WDR7: variants seen among roughly 807,000 people sequenced by gnomAD.
WDR7 encodes the protein WD repeat domain 7.
WDR7 carries 46 observed loss-of-function variants against 169.4 expected under a neutral mutation model. The ratio of observed to expected loss-of-function variants is 0.27; its 90% CI spans 0.21 to 0.35. WDR7 has a LOEUF of 0.35. WDR7 is among the 10% of genes least tolerant of loss of function. The probability of loss-of-function intolerance (pLI) is 1.00; values close to 1 mark genes in which losing one functional copy is unlikely to be tolerated. For missense variants in WDR7, 1,534 were observed against 1,859.3 expected (o/e 0.83, Z 3.22); for synonymous variants, 612 against 666.8 (o/e 0.92, Z 1.27).
intron 12 of WDR7, among the ~76,000 whole-genome samples, chr18:56,703,801 T>C (rs2025887989): frequency 6.6e-6 from 1 of 152,044 alleles, no homozygotes; most frequent in South Asian, 2.1e-4. Context: ...AATGTTGCTT[T>C]AAAGTTTTTT....
chr18:56,981,832 A>G (rs980685502), intron 26 of WDR7, among the ~76,000 whole-genome samples: 43 of 152,194 alleles, frequency 2.8e-4, no homozygotes, highest in Non-Finnish European at 1.2e-4. Context: ...CTTGAAAAGT[A>G]AGAGAAGAGA....
At chr18:56,726,029 T>C (rs1366906984) in intron 13 of WDR7, among the ~76,000 whole-genome samples, 3 of 152,182 alleles carry the variant, frequency 2.0e-5, no homozygotes, top group Admixed American at 6.5e-5. Flanking sequence ...TGTTTTGATA[T>C]CAGTACCATG....
At chr18:57,030,488 G>T (rs2048434894), downstream of WDR7, 2 of 152,158 alleles carry the variant, frequency 1.3e-5, no homozygotes. Context: ...GAAAATAGGG[G>T]CAGTAACAGT....
intron 20 of WDR7, among the ~76,000 whole-genome samples, chr18:56,822,934 C>A (rs545584472): frequency 2.0e-5 from 3 of 151,996 alleles, no homozygotes; most frequent in Admixed American, 1.3e-4. Flanking sequence ...TAAAAAAAAT[C>A]TGGGAGAAGA....
chr18:56,942,776 T>C (rs1261193561), intron 25 of WDR7, among the ~76,000 whole-genome samples: 1 of 152,158 alleles, frequency 6.6e-6, no homozygotes, highest in Non-Finnish European at 1.5e-5. Context: ...TGATAGGCAA[T>C]AGAAAGTCAG....
At chr18:56,703,762 C>T (rs1414958174) in intron 12 of WDR7, among the ~76,000 whole-genome samples, 2 of 151,422 alleles carry the variant, frequency 1.3e-5, no homozygotes, top group Non-Finnish European at 2.9e-5. Context: ...AAATGATACT[C>T]TGTAATTCAT....
At chr18:57,022,088 C>A (rs1249684080) in intron 27 of WDR7, among the ~76,000 whole-genome samples, 8 of 152,212 alleles carry the variant, frequency 5.3e-5, no homozygotes, top group Non-Finnish European at 4.4e-5. Context: ...TCAGAGATCT[C>A]ACCCAGCCCT....
At chr18:57,011,700 A>T (rs1032869807) in intron 26 of WDR7, among the ~76,000 whole-genome samples, 1 of 152,196 alleles carries the variant, frequency 6.6e-6, no homozygotes, top group African/African-American at 2.4e-5. Context: ...CAACTCTCAA[A>T]TCTCTGTTCA....
intron 20 of WDR7, among the ~76,000 whole-genome samples, chr18:56,861,831 A>G (rs528045112): frequency 5.3e-5 from 8 of 152,252 alleles, no homozygotes; most frequent in Middle Eastern, 3.4e-3. Context: ...TGAACACTTA[A>G]TTAGGTTAAG....
chr18:56,851,597 A>G (rs895776189), intron 20 of WDR7, among the ~76,000 whole-genome samples: 5 of 152,092 alleles, frequency 3.3e-5, no homozygotes, highest in Non-Finnish European at 7.4e-5. Context: ...CTGCTCAACA[A>G]TTGTTTGTTG....
At chr18:56,695,901 T>A (rs1174263075) in intron 11 of WDR7, among the ~76,000 whole-genome samples, 4 of 152,202 alleles carry the variant, frequency 2.6e-5, no homozygotes, top group Non-Finnish European at 5.9e-5. Context: ...TGACTATATT[T>A]TATATAACCC....
chr18:56,954,913 C>T (rs370346650), intron 25 of WDR7, among the ~76,000 whole-genome samples: 110 of 152,118 alleles, frequency 7.2e-4, no homozygotes, highest in African/African-American at 2.6e-3. Flanking sequence ...TCTTAAACTT[C>T]GTTATTATGT....
chr18:56,943,987 T>G (rs1055433977), intron 25 of WDR7, among the ~76,000 whole-genome samples: 6 of 112,966 alleles, frequency 5.3e-5, no homozygotes, highest in African/African-American at 3.0e-4. Context: ...TGTGGGTTTT[T>G]TTTTTTTTTT....
rs2048180261 is a variant in WDR7, at chr18:57,014,509, T to C, written c.4165-6236T>C. 2.0e-5 allele frequency among the ~76,000 whole-genome samples: 3 copies of C among 150,816 alleles called. No individual in the cohort carries two copies. The South Asian group carries it at 6.3e-4, about 32-fold the overall frequency. On this transcript the variant is annotated intron_variant, in intron 26 of 27. Coordinates refer to ENST00000254442, the MANE Select transcript of WDR7 (RefSeq NM_015285.3). ...CTGTCTCTACTAAAAATACAAAAAA[T>C]TCGCCAGGCGGTTGGTGGGTGCCTA...
At chr18:56,970,899 T>C (rs2047474515) in intron 26 of WDR7, among the ~76,000 whole-genome samples, 1 of 152,242 alleles carries the variant, frequency 6.6e-6, no homozygotes, top group Non-Finnish European at 1.5e-5. Context: ...ATCAGAATGC[T>C]CTGATGCTGT....
chr18:56,997,196 A>G (rs569321659), intron 26 of WDR7, among the ~76,000 whole-genome samples: 58 of 152,352 alleles, frequency 3.8e-4, no homozygotes, highest in African/African-American at 1.3e-3. Context: ...TTTCAGAAAC[A>G]ACATATTCTT....
chr18:56,887,311 C>T (rs999689342), intron 21 of WDR7, among the ~76,000 whole-genome samples: 4 of 152,104 alleles, frequency 2.6e-5, no homozygotes, highest in Non-Finnish European at 5.9e-5. Context: ...TGCATGATTT[C>T]TCCTCAACTT....
intron 26 of WDR7, among the ~76,000 whole-genome samples, chr18:56,974,956 T>C (rs114394206): frequency 0.04 from 6,136 of 152,202 alleles, 162 homozygotes; most frequent in African/African-American, 0.075. Context: ...GGGTGATGTT[T>C]GGACTGGGTG....
At chr18:56,738,725 A>G (rs1358976431) in intron 14 of WDR7, among the ~76,000 whole-genome samples, 1 of 150,534 alleles carries the variant, frequency 6.6e-6, no homozygotes, top group Non-Finnish European at 1.5e-5. Context: ...TTTCGCCTCC[A>G]TGATTTGGCA....
Sources: allele counts gnomAD v4.1 joint callset (sites outside exome capture counted in the v4.1 genomes callset), GRCh38; gene constraint gnomAD v4.1.1; transcripts MANE v1.5; gene names NCBI Gene and HGNC (gene_info 2026-07-23, HGNC 2026-07-21).